KIAA0586: variants seen among roughly 807,000 people sequenced by gnomAD.
KIAA0586 encodes the protein KIAA0586, also known as protein TALPID3.
A neutral mutation model predicts 169.8 loss-of-function variants in KIAA0586; 144 were observed. The ratio of observed to expected loss-of-function variants is 0.85; its 90% CI spans 0.74 to 0.97. KIAA0586 has a LOEUF of 0.97. KIAA0586 is among the 50% of genes least tolerant of loss of function. The pLI is 0.00. For missense variants in KIAA0586, 1,854 were observed against 1,823.0 expected (o/e 1.02, Z -0.31); for synonymous variants, 625 against 612.4 (o/e 1.02, Z -0.30).
chr14:58,501,891 T>C (rs910443050), intron 27 of KIAA0586, among the ~76,000 whole-genome samples: 4 of 152,176 alleles, frequency 2.6e-5, no homozygotes, highest in African/African-American at 7.2e-5. Context: ...ACAAATCCGG[T>C]AGTGGCTTAC....
chr14:58,500,098 C>G (rs1319155589), intron 27 of KIAA0586, among the ~76,000 whole-genome samples: 1 of 152,178 alleles, frequency 6.6e-6, no homozygotes, highest in Admixed American at 6.5e-5. Flanking sequence ...ATAGTTGACT[C>G]TCATCTATGG....
At chr14:58,450,486 A>T in intron 7 of KIAA0586, 93 bp from the exon 8 acceptor site, 1 of 692,270 alleles carries the variant, frequency 1.4e-6, no homozygotes, top group Non-Finnish European at 2.5e-6. Context: ...TATAATTTTG[A>T]ATTTATTTTT....
intron 29 of KIAA0586, among the ~76,000 whole-genome samples, chr14:58,539,037 C>G (rs539500899): frequency 6.6e-6 from 1 of 152,278 alleles, no homozygotes; most frequent in East Asian, 1.9e-4. Flanking sequence ...GTCTCAAACT[C>G]CCGAAGTGCT....
At chr14:58,462,581 G>A (rs1208334760) in intron 14 of KIAA0586, among the ~76,000 whole-genome samples, 2 of 152,166 alleles carry the variant, frequency 1.3e-5, no homozygotes, top group Admixed American at 6.5e-5. Context: ...AATTTATATG[G>A]GGGGTTTTGA....
At chr14:58,446,345 A>C (rs2038899700) in intron 6 of KIAA0586, among the ~76,000 whole-genome samples, 2 of 151,682 alleles carry the variant, frequency 1.3e-5, no homozygotes. Context: ...AAGATACAAA[A>C]AATTAGCTGG....
At chr14:58,459,639 C>T (rs1466953881) in intron 12 of KIAA0586, among the ~76,000 whole-genome samples, 1 of 152,044 alleles carries the variant, frequency 6.6e-6, no homozygotes, top group Admixed American at 6.6e-5. Flanking sequence ...CCAAAAGATA[C>T]TAGTCTTTTT....
chr14:58,482,092 G>T (rs529486830), intron 20 of KIAA0586, among the ~76,000 whole-genome samples: 1 of 151,632 alleles, frequency 6.6e-6, no homozygotes, highest in Admixed American at 6.6e-5. Flanking sequence ...GATTACAGGC[G>T]TGAGCCACCG....
At chr14:58,436,624 T>A (rs114842065) in intron 4 of KIAA0586, among the ~76,000 whole-genome samples, 2,496 of 152,262 alleles carry the variant, frequency 0.016, 71 homozygotes, top group African/African-American at 0.056. Context: ...TAGAAGAACA[T>A]ACTGTTGAGA....
In KIAA0586 at chr14:58,496,926, CTT is replaced by C. The variant is rs71645807; in HGVS notation, c.3991-1856_3991-1855del. ...TTTAATACAGAAAGAAAATAGGAGTCTTATATTTTTTCATTTGTTCATTTATT... is the reference window on the plus strand; with the variant it reads ...TTTAATACAGAAAGAAAATAGGAGTCATATTTTTTCATTTGTTCATTTATT... On this transcript the variant is annotated intron_variant, in intron 26 of 30. Coordinates refer to ENST00000652326, the MANE Select transcript of KIAA0586 (RefSeq NM_001329943.3). Among the ~76,000 whole-genome samples the C allele has an allele frequency of 3.4e-3, 518 of 151,370 alleles. 5 individuals are homozygous for C. Among genetic ancestry groups the C allele is most frequent in the African/African-American group, 0.012 (485 of 41,252 alleles).
chr14:58,445,604 T>C (rs2038815761), intron 6 of KIAA0586, among the ~76,000 whole-genome samples: 1 of 151,616 alleles, frequency 6.6e-6, no homozygotes, highest in African/African-American at 2.4e-5. Flanking sequence ...CAGCTAATTT[T>C]TGTATTTTCA....
At chr14:58,513,609 T>G (rs368815322) in intron 29 of KIAA0586, among the ~76,000 whole-genome samples, 1 of 151,896 alleles carries the variant, frequency 6.6e-6, no homozygotes, top group East Asian at 1.9e-4. Flanking sequence ...CATAGTACGT[T>G]AATATTAATG....
rs2042511407 is a variant in KIAA0586, at chr14:58,487,134, C to T, written c.3272C>T (p.Ala1091Val). 1 of 1,612,860 alleles carries T rather than the reference C, an allele frequency of 6.2e-7. No homozygotes were observed. The highest frequency in any genetic ancestry group is 1.3e-5 in the African/African-American group (1 of 74,872). Residue 1091 changes from alanine to valine, a missense_variant, in exon 22 of 31, where the codon GCT becomes GTT. Transcript: ENST00000652326. ...SSPCDSDHDM[A>V]FPVKEICAEK... ...CCCTGTGATTCGGATCATGATATGG[C>T]TTTTCCTGTGAAAGAAATATGTGCT... is the stretch of plus-strand genomic sequence containing the variant.
intron 7 of KIAA0586, among the ~76,000 whole-genome samples, chr14:58,450,100 A>G (rs1233417921): frequency 6.6e-6 from 1 of 152,180 alleles, no homozygotes; most frequent in Non-Finnish European, 1.5e-5. Context: ...CTACTTGACC[A>G]TTATCCTGTT....
Position 58,442,818 on chromosome 14 carries a change from T to G in KIAA0586, c.523T>G (p.Ser175Ala). Reference sequence around the variant, plus strand: ...TAGAATTTCACCCAGTGGAATTGATTCAGCTACAACCGTGGCTGCAGCAAC... The same window carrying G: ...TAGAATTTCACCCAGTGGAATTGATGCAGCTACAACCGTGGCTGCAGCAAC... ...ETRISPSGID[S>A]ATTVAAATAA... Residue 175 changes from serine (S) to alanine (A), a missense_variant, in exon 5 of 31, where the codon TCA becomes GCA. Ser to Ala is a moderately conservative substitution (Grantham distance 99, BLOSUM62 1). Coordinates refer to ENST00000652326, the MANE Select transcript of KIAA0586 (RefSeq NM_001329943.3). 6.2e-7 allele frequency: 1 copy of G among 1,610,714 alleles called. No homozygotes were observed. The highest frequency in any genetic ancestry group is 1.1e-5 in the South Asian group (1 of 90,354).
rs541335835 is a variant in KIAA0586, at chr14:58,470,891, G to A, written c.2553+168G>A. Among the ~76,000 whole-genome samples the A allele has an allele frequency of 2.0e-5, 3 of 151,354 alleles. No individual in the cohort carries two copies. The South Asian group carries it at 6.3e-4, about 32-fold the overall frequency. ...TTTTCAGTCAGAGTCTTGCTCTGTC[G>A]CCCAGGCTGGAGTGCAGTGGTGTGA... On this transcript the variant is annotated intron_variant, in intron 17 of 30. Coordinates refer to ENST00000652326, the MANE Select transcript of KIAA0586 (RefSeq NM_001329943.3).
intron 29 of KIAA0586, among the ~76,000 whole-genome samples, chr14:58,527,711 A>G (rs2045688206): frequency 6.6e-6 from 1 of 152,232 alleles, no homozygotes; most frequent in Admixed American, 6.5e-5. Flanking sequence ...AGGAAGCACT[A>G]GACATGGCAA....
At chr14:58,475,129 C>T (rs947223134) in intron 19 of KIAA0586, among the ~76,000 whole-genome samples, 24 of 152,198 alleles carry the variant, frequency 1.6e-4, no homozygotes, top group African/African-American at 1.2e-4. Flanking sequence ...GCCAGGGCCA[C>T]GAACCAGTAC....
At chr14:58,495,355 G>A (rs1424421472) in intron 26 of KIAA0586, among the ~76,000 whole-genome samples, 2 of 152,096 alleles carry the variant, frequency 1.3e-5, no homozygotes, top group Non-Finnish European at 2.9e-5. Flanking sequence ...TCAGGCTGGA[G>A]TGCAGTGGCT....
At chr14:58,531,364 A>T (rs948196764) in intron 29 of KIAA0586, among the ~76,000 whole-genome samples, 1 of 151,802 alleles carries the variant, frequency 6.6e-6, no homozygotes, top group Non-Finnish European at 1.5e-5. Context: ...AAAATAAAAA[A>T]AAATTGGGCA....
Sources: gnomAD v4.1 joint callset for allele counts (sites outside exome capture counted in the v4.1 genomes callset) on GRCh38, gnomAD v4.1.1 for gene constraint, MANE v1.5 for transcripts, NCBI Gene and HGNC (gene_info 2026-07-23, HGNC 2026-07-21) for gene names.